SOBP: variants seen among roughly 807,000 people sequenced by gnomAD.
The protein encoded by SOBP is sine oculis binding protein homolog, also known as sine oculis-binding protein homolog.
A neutral mutation model predicts 53.6 loss-of-function variants in SOBP; 4 were observed. The observed-to-expected ratio is 0.07, with a 90% CI of 0.04 to 0.17. The LOEUF is 0.17. SOBP is among the 10% of genes least tolerant of loss of function. SOBP has a pLI of 1.00. For missense variants in SOBP, 1,088 were observed against 1,204.7 expected (o/e 0.90, Z 1.43); for synonymous variants, 584 against 522.6 (o/e 1.12, Z -1.60).
At chr6:107,636,871 A>G (rs1317289144) in intron 6 of SOBP, among the ~76,000 whole-genome samples, 3 of 152,324 alleles carry the variant, frequency 2.0e-5, no homozygotes, top group African/African-American at 7.2e-5. Context: ...TATCGTCTTC[A>G]TTTTATTGAT....
chr6:107,507,705 G>A (rs1036088891), intron 3 of SOBP, among the ~76,000 whole-genome samples: 1 of 152,104 alleles, frequency 6.6e-6, no homozygotes, highest in Non-Finnish European at 1.5e-5. Context: ...GCCCAGGGAA[G>A]CCCAAAGGTT....
At chr6:107,524,394 A>C (rs1339885747) in intron 3 of SOBP, among the ~76,000 whole-genome samples, 2 of 152,194 alleles carry the variant, frequency 1.3e-5, no homozygotes, top group Non-Finnish European at 2.9e-5. Flanking sequence ...GATTGCTCAG[A>C]GGTTCAGATT....
chr6:107,490,771 G>C, intron 1 of SOBP, 59 bp downstream of exon 1: 3 of 1,359,728 alleles, frequency 2.2e-6, no homozygotes, highest in Middle Eastern at 2.1e-4. Context: ...CGCTCCCCGT[G>C]GGCCGTGGTA....
chr6:107,540,347 G>T, intron 4 of SOBP, among the ~76,000 whole-genome samples: 1 of 152,156 alleles, frequency 6.6e-6, no homozygotes, highest in Non-Finnish European at 1.5e-5. Context: ...TTTGTTCCTC[G>T]GGCTCTTTGC....
chr6:107,564,334 A>G (rs543134390), intron 4 of SOBP, among the ~76,000 whole-genome samples: 2 of 152,188 alleles, frequency 1.3e-5, no homozygotes, highest in Non-Finnish European at 2.9e-5. Flanking sequence ...CTCTCCTTCC[A>G]TAAAGTCTAT....
At chr6:107,521,941 CACACACACACACACACACAAACTCAA>C (rs1254858603) in intron 3 of SOBP, among the ~76,000 whole-genome samples, 2 of 150,962 alleles carry the variant, frequency 1.3e-5, no homozygotes, top group African/African-American at 2.4e-5. Context: ...CACACACACA[CACACACACACACACACACAAACTCAA>C]TCAAGTCTGA....
At chr6:107,515,202 A>C (rs1562583359) in intron 3 of SOBP, 1 of 152,366 alleles carries the variant, frequency 6.6e-6, no homozygotes, top group South Asian at 2.1e-4. Flanking sequence ...CCTATTAAGG[A>C]AATAAAATAA....
chr6:107,556,680 CTG>C (rs554902441), intron 4 of SOBP, among the ~76,000 whole-genome samples: 3 of 152,226 alleles, frequency 2.0e-5, no homozygotes, highest in Non-Finnish European at 4.4e-5. Flanking sequence ...AGCCTTGACT[CTG>C]TGACAGGAGG....
intron 3 of SOBP, chr6:107,529,611 G>A (rs1284630928): frequency 5.1e-6 from 5 of 985,282 alleles, no homozygotes; most frequent in South Asian, 4.7e-5. Flanking sequence ...GCACTGGTCA[G>A]GTAAGTTAGT....
chr6:107,597,493 G>A (rs1451744735), intron 5 of SOBP, among the ~76,000 whole-genome samples: 1 of 152,060 alleles, frequency 6.6e-6, no homozygotes. Flanking sequence ...GTAGAAATGT[G>A]GGTATTTATA....
chr6:107,650,292 C>G (rs1771749840), intron 6 of SOBP, among the ~76,000 whole-genome samples: 1 of 152,310 alleles, frequency 6.6e-6, no homozygotes, highest in East Asian at 1.9e-4. Flanking sequence ...ACCCTTGGCT[C>G]CCATACCCTC....
At chr6:107,645,566 A>T (rs1289195306) in intron 6 of SOBP, among the ~76,000 whole-genome samples, 2 of 151,782 alleles carry the variant, frequency 1.3e-5, no homozygotes, top group African/African-American at 2.4e-5. Context: ...TACAAGCAAC[A>T]TGCAGAACCT....
chr6:107,605,266 C>G (rs1786331666), intron 5 of SOBP, among the ~76,000 whole-genome samples: 1 of 152,218 alleles, frequency 6.6e-6, no homozygotes, highest in African/African-American at 2.4e-5. Flanking sequence ...GACACTTGTA[C>G]CAGAATATTA....
chr6:107,632,508 CA>C (rs947840331), intron 5 of SOBP, among the ~76,000 whole-genome samples: 1 of 152,174 alleles, frequency 6.6e-6, no homozygotes, highest in Non-Finnish European at 1.5e-5. Context: ...TTTGTGCAAA[CA>C]AGAGTCATAT....
At chr6:107,499,343 T>A (rs1311321463) in intron 1 of SOBP, among the ~76,000 whole-genome samples, 1 of 152,194 alleles carries the variant, frequency 6.6e-6, no homozygotes, top group Non-Finnish European at 1.5e-5. Flanking sequence ...ATTGTGGAAA[T>A]CAAGTACCTA....
chr6:107,602,169 T>C (rs1000407344), intron 5 of SOBP, among the ~76,000 whole-genome samples: 1 of 152,152 alleles, frequency 6.6e-6, no homozygotes, highest in African/African-American at 2.4e-5. Context: ...CCACATGATA[T>C]AGAGAAAGGG....
At chr6:107,574,116 G>A (rs1785156167) in intron 4 of SOBP, among the ~76,000 whole-genome samples, 1 of 152,158 alleles carries the variant, frequency 6.6e-6, no homozygotes, top group East Asian at 1.9e-4. Flanking sequence ...GACACATATA[G>A]TGCATCCTAC....
At chr6:107,528,560 A>G (rs1783731076) in intron 3 of SOBP, among the ~76,000 whole-genome samples, 1 of 152,252 alleles carries the variant, frequency 6.6e-6, no homozygotes, top group Admixed American at 6.5e-5. Context: ...TCATAGTCAT[A>G]AAGAAGTAAA....
intron 4 of SOBP, among the ~76,000 whole-genome samples, chr6:107,548,993 C>T (rs1019127125): frequency 3.3e-5 from 5 of 151,758 alleles, no homozygotes; most frequent in African/African-American, 7.3e-5. Flanking sequence ...ACCGGCCGGG[C>T]GCAGTGGCTC....
Sources: allele counts gnomAD v4.1 joint callset (sites outside exome capture counted in the v4.1 genomes callset), GRCh38; gene constraint gnomAD v4.1.1; transcripts MANE v1.5; gene names NCBI Gene and HGNC (gene_info 2026-07-23, HGNC 2026-07-21).